The following CTNND2 variants were observed in gnomAD, a reference collection of about 807,000 sequenced individuals.
CTNND2 encodes the protein catenin delta 2, also known as catenin delta-2.
In CTNND2, 22 loss-of-function variants were observed where a neutral mutation model predicts 144.4. The observed-to-expected ratio is 0.15, with a 90% CI of 0.11 to 0.22. The LOEUF is 0.22. CTNND2 is among the 10% of genes least tolerant of loss of function. The pLI is 1.00. For missense variants in CTNND2, 1,353 were observed against 1,618.8 expected (o/e 0.84, Z 2.82); for synonymous variants, 751 against 695.6 (o/e 1.08, Z -1.25).
chr5:11,009,628 G>A (rs1211775217), intron 18 of CTNND2, among the ~76,000 whole-genome samples: 1 of 152,190 alleles, frequency 6.6e-6, no homozygotes, highest in Non-Finnish European at 1.5e-5. Context: ...TCTGCCTTTT[G>A]TCTCTGGGGT....
chr5:11,456,785 A>G (rs1765774410), intron 3 of CTNND2, among the ~76,000 whole-genome samples: 2 of 152,140 alleles, frequency 1.3e-5, no homozygotes, highest in South Asian at 4.1e-4. Flanking sequence ...AGTATAATTT[A>G]TTATAGTGGA....
At position 11,657,491 on chromosome 5, in the gene CTNND2, C is replaced by T. The variant is rs62338657; in HGVS notation, c.174+74645G>A. 7.6e-4 allele frequency among the ~76,000 whole-genome samples: 116 copies of T among 152,128 alleles called. 1 individual carries two copies. In the Middle Eastern group the frequency reaches 0.01, roughly 13 times the overall value. On this transcript the variant is annotated intron_variant, in intron 2 of 21. Coordinates refer to ENST00000304623, the MANE Select transcript of CTNND2 (RefSeq NM_001332.4). Reference sequence around the variant, plus strand: ...TCCTTCCTGCCTTCATTTCTTCCTCCCTTCATTCTTTTCTTCCTTTCTTAG... The same window carrying T: ...TCCTTCCTGCCTTCATTTCTTCCTCTCTTCATTCTTTTCTTCCTTTCTTAG...
intron 9 of CTNND2, among the ~76,000 whole-genome samples, chr5:11,251,033 A>C (rs1160937460): frequency 1.4e-5 from 2 of 147,172 alleles, no homozygotes; most frequent in Admixed American, 6.7e-5. Context: ...GCCACTAGGA[A>C]AAAAAAGAAC....
At chr5:11,046,557 A>G (rs1015243050) in intron 16 of CTNND2, among the ~76,000 whole-genome samples, 12 of 152,198 alleles carry the variant, frequency 7.9e-5, no homozygotes, top group African/African-American at 2.9e-4. Flanking sequence ...CAGAGCTGCT[A>G]CTTTGAAGAA....
chr5:11,537,779 C>T (rs986542338), intron 3 of CTNND2, among the ~76,000 whole-genome samples: 8 of 152,188 alleles, frequency 5.3e-5, no homozygotes, highest in Non-Finnish European at 7.4e-5. Context: ...TTATGATAAA[C>T]GTATCTTAGC....
intron 3 of CTNND2, among the ~76,000 whole-genome samples, chr5:11,471,896 A>G (rs146380822): frequency 6.6e-5 from 10 of 152,328 alleles, no homozygotes; most frequent in African/African-American, 2.2e-4. Context: ...AAATATTACT[A>G]TTGTTAAAGT....
chr5:11,662,129 A>G (rs1318079626), intron 2 of CTNND2, among the ~76,000 whole-genome samples: 1 of 145,128 alleles, frequency 6.9e-6, no homozygotes, highest in African/African-American at 2.6e-5. Context: ...ATATATATAT[A>G]CATATATGTA....
At chr5:11,872,072 C>T (rs2127051991) in intron 1 of CTNND2, among the ~76,000 whole-genome samples, 1 of 152,010 alleles carries the variant, frequency 6.6e-6, no homozygotes, top group Non-Finnish European at 1.5e-5. Flanking sequence ...TGTGATGTTC[C>T]CCTCCCTGTG....
chr5:11,831,810 A>T (rs1402135199), intron 1 of CTNND2, among the ~76,000 whole-genome samples: 1 of 152,194 alleles, frequency 6.6e-6, no homozygotes, highest in African/African-American at 2.4e-5. Flanking sequence ...ATATTTTTGT[A>T]TATAAGCATG....
At position 11,346,420 on chromosome 5, in the gene CTNND2, C is replaced by G; in HGVS notation, c.1580G>C (p.Gly527Ala). 5 of 1,531,700 alleles carry G rather than the reference C, an allele frequency of 3.3e-6. No homozygotes were observed. Among genetic ancestry groups the G allele is most frequent in the Non-Finnish European group, 4.4e-6 (5 of 1,135,550 alleles). The allele number at this position is 1,531,700 out of a possible 1,614,324, so 94.9% of individuals were successfully genotyped here. Residue 527 changes from glycine (G) to alanine (A), a missense_variant, in exon 9 of 22, where the codon GGC (glycine) becomes GCC (alanine). This residue lies in a region of CTNND2 where 708 missense variants were observed against 706.4 expected (regional missense o/e 1.00). Transcript: ENST00000304623. ...AATGGACGGGGACCTGGCCAAGGTGCCTTCAGGCGGGAGAGCAGGGCCGGA... is the reference window on the plus strand; with the variant it reads ...AATGGACGGGGACCTGGCCAAGGTGGCTTCAGGCGGGAGAGCAGGGCCGGA... ...SKSGPALPPEGTLARSPSIDS... is the reference protein window; with the variant it reads ...SKSGPALPPEATLARSPSIDS...
intron 9 of CTNND2, among the ~76,000 whole-genome samples, chr5:11,302,217 G>A (rs1749685026): frequency 6.6e-6 from 1 of 152,164 alleles, no homozygotes; most frequent in Non-Finnish European, 1.5e-5. Context: ...GGAAAGAAGG[G>A]AAGCGGGCTT....
chr5:11,447,651 A>G (rs1004477374), intron 3 of CTNND2, among the ~76,000 whole-genome samples: 5 of 152,160 alleles, frequency 3.3e-5, no homozygotes, highest in African/African-American at 1.2e-4. Flanking sequence ...GGAGACTCAG[A>G]GCATAAGGGA....
In CTNND2 at chr5:11,410,442, T is replaced by C. The variant is rs61749774; in HGVS notation, c.439+1094A>G. The stretch of plus-strand genomic sequence containing the variant: ...CTTCCTTTTGCATGACGAAGCTTAG[T>C]GGGTATTGGAGGAAATTTTATTTTT... On this transcript the variant is annotated intron_variant, in intron 5 of 21. Transcript: ENST00000304623. 6.2e-3 allele frequency among the ~76,000 whole-genome samples: 940 copies of C among 152,292 alleles called. 9 individuals are homozygous for C. Among genetic ancestry groups the C allele is most frequent in the African/African-American group, 0.022 (906 of 41,582 alleles).
chr5:11,732,080 A>G, intron 2 of CTNND2, 56 bp downstream of exon 2: 2 of 1,559,708 alleles, frequency 1.3e-6, no homozygotes, highest in Non-Finnish European at 8.7e-7. Flanking sequence ...TTCATCTAGA[A>G]AAACAATTTT....
At chr5:11,589,143 C>T in intron 2 of CTNND2, 1 of 517,172 alleles carries the variant, frequency 1.9e-6, no homozygotes, top group Non-Finnish European at 2.5e-6. Context: ...AATTTAGACC[C>T]CCATTGGCAT....
intron 1 of CTNND2, among the ~76,000 whole-genome samples, chr5:11,759,711 T>G (rs1237712882): frequency 3.9e-5 from 6 of 152,172 alleles, no homozygotes. Flanking sequence ...TACAGTGTAA[T>G]AATAACACTA....
chr5:11,312,263 C>A (rs1426574518), intron 9 of CTNND2, among the ~76,000 whole-genome samples: 1 of 151,342 alleles, frequency 6.6e-6, no homozygotes, highest in South Asian at 2.1e-4. Context: ...CTCATACATC[C>A]TCTCCCCCTA....
At chr5:11,737,214 A>G (rs1463438225) in intron 1 of CTNND2, among the ~76,000 whole-genome samples, 7 of 152,142 alleles carry the variant, frequency 4.6e-5, no homozygotes, top group Admixed American at 3.9e-4. Context: ...CCTCACCACA[A>G]TGTTAACCAC....
chr5:11,835,706 G>T (rs1257960842), intron 1 of CTNND2, among the ~76,000 whole-genome samples: 5 of 151,844 alleles, frequency 3.3e-5, no homozygotes, highest in Admixed American at 2.0e-4. Context: ...TCTCTTCTTT[G>T]TCAGTCTTGT....
Sources: gnomAD v4.1 joint callset for allele counts (sites outside exome capture counted in the v4.1 genomes callset) on GRCh38, gnomAD v4.1.1 for gene constraint, gnomAD v4.1.1 regional missense constraint, MANE v1.5 for transcripts, NCBI Gene and HGNC (gene_info 2026-07-23, HGNC 2026-07-21) for gene names.